STK33: variants seen among roughly 807,000 people sequenced by gnomAD.
STK33 encodes the protein serine/threonine kinase 33.
In STK33, 52 loss-of-function variants were observed where a neutral mutation model predicts 58.0. The observed-to-expected ratio is 0.90, with a 90% CI of 0.72 to 1.13. The LOEUF is 1.13. Ranked by LOEUF, STK33 falls within the 50% of genes most tolerant of loss-of-function variation. The pLI, the probability that STK33 is intolerant of heterozygous loss-of-function variation, is 0.00. For synonymous variants in STK33, 215 were observed against 200.1 expected (o/e 1.07, Z -0.63); for missense variants, 630 against 604.2 (o/e 1.04, Z -0.45).
intron 1 of STK33, among the ~76,000 whole-genome samples, chr11:8,499,809 C>A (rs1181194079): frequency 1.3e-5 from 2 of 152,156 alleles, no homozygotes; most frequent in African/African-American, 2.4e-5. Flanking sequence ...TCTCACCAAA[C>A]TAACACAGGA....
intron 1 of STK33, among the ~76,000 whole-genome samples, chr11:8,489,478 T>C (rs934796384): frequency 1.3e-5 from 2 of 152,146 alleles, no homozygotes; most frequent in Non-Finnish European, 2.9e-5. Flanking sequence ...TCGAAGAGCA[T>C]GGCACTAGCA....
At chr11:8,419,441 G>T (rs1941601194) in intron 14 of STK33, among the ~76,000 whole-genome samples, 1 of 152,128 alleles carries the variant, frequency 6.6e-6, no homozygotes, top group Non-Finnish European at 1.5e-5. Flanking sequence ...ATTGGTCTAT[G>T]TGTCTGTTCT....
At chr11:8,377,718 A>G in the STK33 span, among the ~76,000 whole-genome samples, 1 of 152,208 alleles carries the variant, frequency 6.6e-6, no homozygotes, top group Non-Finnish European at 1.5e-5. Context: ...AAAACCCTGA[A>G]GACTCCTCCA....
At chr11:8,357,943 G>A in the STK33 span, among the ~76,000 whole-genome samples, 1 of 152,222 alleles carries the variant, frequency 6.6e-6, no homozygotes. Context: ...GCTCAGCTTG[G>A]CCACTATCGA....
chr11:8,488,534 C>G (rs565501600), intron 1 of STK33, among the ~76,000 whole-genome samples: 1 of 152,008 alleles, frequency 6.6e-6, no homozygotes, highest in African/African-American at 2.4e-5. Context: ...CCAACATGCA[C>G]GTAGAGTTCC....
intron 1 of STK33, among the ~76,000 whole-genome samples, chr11:8,521,341 T>A (rs1241201978): frequency 6.6e-6 from 1 of 152,174 alleles, no homozygotes; most frequent in African/African-American, 2.4e-5. Flanking sequence ...AACCATCTGA[T>A]CTTTGACAAA....
At chr11:8,396,328 T>C (rs972775193) in intron 15 of STK33, among the ~76,000 whole-genome samples, 1 of 152,234 alleles carries the variant, frequency 6.6e-6, no homozygotes, top group Non-Finnish European at 1.5e-5. Context: ...GATCTCAATA[T>C]GCAAATGTTT....
At chr11:8,432,100 G>A (rs1465774807) in intron 14 of STK33, among the ~76,000 whole-genome samples, 6 of 152,158 alleles carry the variant, frequency 3.9e-5, no homozygotes, top group Non-Finnish European at 5.9e-5. Context: ...AGGGGCACAC[G>A]TGCGTGTACA....
At chr11:8,552,736 C>T (rs973846968) in intron 1 of STK33, among the ~76,000 whole-genome samples, 4 of 152,088 alleles carry the variant, frequency 2.6e-5, no homozygotes, top group African/African-American at 7.2e-5. Flanking sequence ...ATAACAAGCA[C>T]GGAGCTGTCA....
chr11:8,406,869 T>C (rs1939315313), intron 15 of STK33, among the ~76,000 whole-genome samples: 1 of 152,082 alleles, frequency 6.6e-6, no homozygotes, highest in Non-Finnish European at 1.5e-5. Context: ...TTTTGTACAA[T>C]GATAAAGAGA....
At chr11:8,362,905 C>T in the STK33 span, among the ~76,000 whole-genome samples, 5 of 124,364 alleles carry the variant, frequency 4.0e-5, no homozygotes, top group African/African-American at 6.2e-5. Context: ...TCTCTCTCTC[C>T]CTTCCTTCCT....
At chr11:8,378,784 A>G in the STK33 span, among the ~76,000 whole-genome samples, 2 of 150,736 alleles carry the variant, frequency 1.3e-5, no homozygotes, top group Non-Finnish European at 3.0e-5. Context: ...ACAGAGTTAG[A>G]AAAAAAAAAT....
At chr11:8,342,007 G>C in the STK33 span, among the ~76,000 whole-genome samples, 2 of 152,206 alleles carry the variant, frequency 1.3e-5, no homozygotes, top group African/African-American at 4.8e-5. Context: ...GGCAGCTCAT[G>C]CTTAAGACCT....
At chr11:8,378,683 G>A in the STK33 span, among the ~76,000 whole-genome samples, 1 of 152,160 alleles carries the variant, frequency 6.6e-6, no homozygotes. Context: ...TCAAGATGAG[G>A]TTTGAGTGGG....
intron 15 of STK33, among the ~76,000 whole-genome samples, chr11:8,401,622 G>A (rs973559025): frequency 2.0e-5 from 3 of 152,134 alleles, no homozygotes; most frequent in Admixed American, 2.0e-4. Context: ...TGACAAATGG[G>A]ATCTAATTAA....
At chr11:8,422,115 A>T (rs540732517) in intron 14 of STK33, among the ~76,000 whole-genome samples, 2 of 152,174 alleles carry the variant, frequency 1.3e-5, no homozygotes, top group Non-Finnish European at 2.9e-5. Flanking sequence ...TTTCCTATTC[A>T]GAATGACATT....
At chr11:8,371,717 T>G in the STK33 span, among the ~76,000 whole-genome samples, 1 of 139,936 alleles carries the variant, frequency 7.1e-6, no homozygotes. Flanking sequence ...TTTCATTTAT[T>G]TCCCTCCCTT....
At chr11:8,427,489 GTCTT>G (rs1320553680) in intron 14 of STK33, among the ~76,000 whole-genome samples, 8 of 151,862 alleles carry the variant, frequency 5.3e-5, no homozygotes, top group Non-Finnish European at 1.2e-4. Context: ...TAAAGCTAAG[GTCTT>G]TCTTTAATTC....
intron 14 of STK33, among the ~76,000 whole-genome samples, chr11:8,428,649 T>C (rs1943056915): frequency 6.6e-6 from 1 of 152,140 alleles, no homozygotes; most frequent in South Asian, 2.1e-4. Context: ...TCCGTTCCTA[T>C]CCACTTATTT....
Sources: gnomAD v4.1 joint callset for allele counts (sites outside exome capture counted in the v4.1 genomes callset) on GRCh38, gnomAD v4.1.1 for gene constraint, MANE v1.5 for transcripts, NCBI Gene and HGNC (gene_info 2026-07-23, HGNC 2026-07-21) for gene names.